CASK: variants seen among roughly 807,000 people sequenced by gnomAD.
CASK encodes peripheral plasma membrane protein CASK.
Under a neutral mutation model 82.9 loss-of-function variants are expected in CASK, and 4 were observed. The ratio of observed to expected loss-of-function variants is 0.05; its 90% CI spans 0.02 to 0.11. The LOEUF (loss-of-function observed/expected upper bound fraction) is 0.11. Among genes scored for constraint, CASK ranks in the 10% least tolerant of loss-of-function variants. The pLI is 1.00. For synonymous variants in CASK, 259 were observed against 253.5 expected, an observed-to-expected ratio of 1.02 and a Z score of -0.20; for missense variants, 358 against 720.9, an observed-to-expected ratio of 0.50 and a Z score of 5.76.
intron 9 of CASK, among the ~76,000 whole-genome samples, chrX:41,633,440 G>A (rs1426320405): frequency 9.1e-6 from 1 of 110,484 alleles, no homozygotes; most frequent in African/African-American, 3.3e-5. Context: ...CCCCTCAAAA[G>A]CCCCAGACCA....
chrX:41,675,456 C>T (rs1413905510), intron 5 of CASK, among the ~76,000 whole-genome samples: 2 of 111,949 alleles, frequency 1.8e-5, no homozygotes, highest in African/African-American at 6.5e-5. Context: ...AGCAGTTTTA[C>T]CCTGGCCCTT....
intron 2 of CASK, among the ~76,000 whole-genome samples, chrX:41,801,802 T>C (rs1254551906): frequency 9.0e-6 from 1 of 111,499 alleles, no homozygotes; most frequent in African/African-American, 3.3e-5. Flanking sequence ...ACTGAAGTGC[T>C]GTACTCAAAC....
rs762206104 is a variant in CASK, at chrX:41,569,899, C to T, written c.1504-153G>A. Among the ~76,000 whole-genome samples the T allele has an allele frequency of 4.6e-5, 5 of 109,278 alleles. No homozygotes were observed. In the East Asian group the frequency reaches 1.1e-3, roughly 25 times the overall value. The allele number at this position is 109,278 out of a possible 115,157, so 94.9% of individuals were successfully genotyped here. On this transcript the variant is annotated intron_variant, in intron 15 of 26. Coordinates refer to ENST00000378163, the MANE Select transcript of CASK (RefSeq NM_001367721.1). ...ATGGAGAAGACCATCCAGTATGCCA[C>T]GCACACAAAATTGCTCCATGACAAA...
At chrX:41,756,194 A>C (rs1224654759) in intron 3 of CASK, among the ~76,000 whole-genome samples, 2 of 112,156 alleles carry the variant, frequency 1.8e-5, no homozygotes, top group African/African-American at 6.5e-5. Flanking sequence ...TCAGTAATTA[A>C]GTGTATGATA....
At chrX:41,886,839 C>A (rs950749476) in intron 1 of CASK, among the ~76,000 whole-genome samples, 1 of 110,955 alleles carries the variant, frequency 9.0e-6, no homozygotes, top group African/African-American at 3.3e-5. Flanking sequence ...TTTTAAAAGC[C>A]GTAATAGGTA....
intron 12 of CASK, among the ~76,000 whole-genome samples, chrX:41,601,791 A>C (rs1420001709): frequency 9.0e-6 from 1 of 111,724 alleles, no homozygotes; most frequent in African/African-American, 3.2e-5. Context: ...AAGTGAATCT[A>C]TGATCCATTT....
At chrX:41,773,980 T>C (rs1265483502) in intron 3 of CASK, among the ~76,000 whole-genome samples, 1 of 111,720 alleles carries the variant, frequency 9.0e-6, no homozygotes, top group Non-Finnish European at 1.9e-5. Context: ...TTTTTCTTTC[T>C]TCAATAATAA....
intron 5 of CASK, among the ~76,000 whole-genome samples, chrX:41,725,325 T>C (rs950195704): frequency 9.0e-6 from 1 of 111,575 alleles, no homozygotes; most frequent in Non-Finnish European, 1.9e-5. Context: ...TAATCCAAGA[T>C]GCAGAAAATA....
intron 3 of CASK, among the ~76,000 whole-genome samples, chrX:41,766,372 A>C (rs2069116741): frequency 1.8e-5 from 2 of 112,434 alleles, no homozygotes; most frequent in African/African-American, 6.5e-5. Context: ...TACAAATATA[A>C]AACTTAAAAA....
chrX:41,590,930 AT>A (rs2065736069), intron 12 of CASK, among the ~76,000 whole-genome samples: 2 of 112,316 alleles, frequency 1.8e-5, no homozygotes. Flanking sequence ...CACATCATAC[AT>A]AAAAATGCCT....
At chrX:41,723,397 C>G (rs1431853622) in intron 5 of CASK, among the ~76,000 whole-genome samples, 2 of 111,665 alleles carry the variant, frequency 1.8e-5, no homozygotes, top group Admixed American at 9.5e-5. Flanking sequence ...CAATCCTGAA[C>G]AAAAAAATTG....
chrX:41,915,760 C>T lies in CASK; in HGVS notation c.59+7170G>A, dbSNP rs1009729088. 4.7e-5 allele frequency among the ~76,000 whole-genome samples: 5 copies of T among 107,263 alleles called. No individual in the cohort carries two copies. In the East Asian group the frequency reaches 8.8e-4, roughly 19 times the overall value. The allele number at this position is 107,263 out of a possible 115,157, so 93.1% of individuals were successfully genotyped here. A position where few individuals can be genotyped will look rare whatever the true frequency, so the allele number is the denominator to read the frequency against. ...ATCCCAGCACTTTGGGAGGCCAAGGCGGGTGGATCACGAGGTCAGGAGATC... is the reference window on the plus strand; with the variant it reads ...ATCCCAGCACTTTGGGAGGCCAAGGTGGGTGGATCACGAGGTCAGGAGATC... On this transcript the variant is annotated intron_variant, in intron 1 of 26. Coordinates refer to ENST00000378163, the MANE Select transcript of CASK (RefSeq NM_001367721.1).
intron 8 of CASK, among the ~76,000 whole-genome samples, chrX:41,652,802 C>G (rs1239703793): frequency 8.9e-6 from 1 of 112,397 alleles, no homozygotes; most frequent in African/African-American, 3.2e-5. Context: ...TCATCTGTAT[C>G]CTTTGTAATT....
At chrX:41,839,809 G>A (rs1234707316) in intron 2 of CASK, among the ~76,000 whole-genome samples, 2 of 111,849 alleles carry the variant, frequency 1.8e-5, no homozygotes, top group Non-Finnish European at 3.8e-5. Context: ...ATGTCCAGTT[G>A]TTCTGGCACC....
At chrX:41,867,350 T>C (rs921491109) in intron 1 of CASK, among the ~76,000 whole-genome samples, 4 of 112,126 alleles carry the variant, frequency 3.6e-5, no homozygotes, top group African/African-American at 1.3e-4. Flanking sequence ...TGCACAAACA[T>C]GGGTGCCATC....
chrX:41,807,400 GAAGTA>G (rs761000702), intron 2 of CASK, among the ~76,000 whole-genome samples: 125 of 111,714 alleles, frequency 1.1e-3, no homozygotes, highest in Non-Finnish European at 1.8e-3. Context: ...TTGACCATTT[GAAGTA>G]AAGAGCAGTG....
intron 14 of CASK, 200 bp downstream of exon 14, chrX:41,586,707 A>T (rs938196899): frequency 5.4e-5 from 22 of 404,530 alleles, no homozygotes; most frequent in Admixed American, 1.3e-4. Flanking sequence ...CACTTCACCA[A>T]GAGTATCTTT....
intron 5 of CASK, among the ~76,000 whole-genome samples, chrX:41,687,596 A>T (rs1420161111): frequency 9.0e-6 from 1 of 111,491 alleles, no homozygotes. Context: ...TTGCACGATG[A>T]AAAACTTCTA....
chrX:41,659,797 G>C (rs768845341), intron 8 of CASK, among the ~76,000 whole-genome samples: 26 of 110,290 alleles, frequency 2.4e-4, no homozygotes, highest in African/African-American at 8.2e-4. Context: ...CCAGGAGTTT[G>C]AGACAAGCCT....
Sources: allele counts gnomAD v4.1 joint callset (sites outside exome capture counted in the v4.1 genomes callset), GRCh38; gene constraint gnomAD v4.1.1; transcripts MANE v1.5; gene names NCBI Gene and HGNC (gene_info 2026-07-23, HGNC 2026-07-21).